Variants in LCORL observed in about 807,000 individuals in gnomAD.
LCORL encodes the protein ligand dependent nuclear receptor corepressor like.
LCORL carries 41 observed loss-of-function variants against 141.8 expected under a neutral mutation model. The observed-to-expected ratio is 0.29, with a 90% CI of 0.23 to 0.38. The LOEUF (loss-of-function observed/expected upper bound fraction) is 0.38. Among genes scored for constraint, LCORL ranks in the 10% least tolerant of loss-of-function variants. The pLI, the probability that LCORL is intolerant of heterozygous loss-of-function variation, is 1.00. For missense variants in LCORL, 1,759 were observed against 2,035.0 expected (o/e 0.86, Z 2.61); for synonymous variants, 618 against 694.1 (o/e 0.89, Z 1.72).
chr4:17,978,963 T>C (rs983979801), intron 1 of LCORL, among the ~76,000 whole-genome samples: 1 of 152,154 alleles, frequency 6.6e-6, no homozygotes. Flanking sequence ...TGTGCACAAC[T>C]TGCAGGTTTG....
chr4:17,936,745 G>T (rs1736927678), intron 4 of LCORL, among the ~76,000 whole-genome samples: 1 of 152,112 alleles, frequency 6.6e-6, no homozygotes, highest in Admixed American at 6.5e-5. Context: ...TCCTTTTCAT[G>T]TATGTGTTTC....
intron 7 of LCORL, among the ~76,000 whole-genome samples, chr4:17,849,017 A>G (rs1723288982): frequency 6.6e-6 from 1 of 152,194 alleles, no homozygotes; most frequent in Non-Finnish European, 1.5e-5. Context: ...TAGGTAAACA[A>G]AGCAGCTGGG....
intron 7 of LCORL, among the ~76,000 whole-genome samples, chr4:17,870,947 T>C (rs1361067884): frequency 2.0e-5 from 3 of 152,176 alleles, no homozygotes; most frequent in Admixed American, 6.5e-5. Flanking sequence ...ATATTTGTGA[T>C]AGAAGCAAAA....
intron 4 of LCORL, among the ~76,000 whole-genome samples, chr4:17,910,923 C>A (rs572855675): frequency 2.0e-5 from 3 of 152,284 alleles, no homozygotes; most frequent in Admixed American, 6.5e-5. Flanking sequence ...TTATCCTTCA[C>A]TTCCATTGTT....
At chr4:17,993,616 T>C (rs1429256911) in intron 1 of LCORL, among the ~76,000 whole-genome samples, 2 of 152,230 alleles carry the variant, frequency 1.3e-5, no homozygotes, top group Non-Finnish European at 1.5e-5. Context: ...GCAACACAGA[T>C]CCTGAGGAGC....
intron 4 of LCORL, among the ~76,000 whole-genome samples, chr4:17,943,318 T>A (rs1738282929): frequency 6.6e-6 from 1 of 152,186 alleles, no homozygotes; most frequent in Admixed American, 6.5e-5. Context: ...TCAGTGAGTA[T>A]CTCATAAATG....
At chr4:17,909,183 A>G (rs532939953) in exon 5 of LCORL, 2 of 1,613,362 alleles carry the variant, frequency 1.2e-6, no homozygotes, top group African/African-American at 2.7e-5. Context: ...TGCTTGATTC[A>G]TTTGGATACT....
intron 5 of LCORL, among the ~76,000 whole-genome samples, chr4:17,901,332 T>C (rs1186374467): frequency 6.6e-6 from 1 of 151,054 alleles, no homozygotes; most frequent in Admixed American, 6.6e-5. Context: ...AAACAGATAA[T>C]TATGTACCTA....
chr4:18,019,198 G>A (rs1289351064), intron 1 of LCORL, among the ~76,000 whole-genome samples: 1 of 152,194 alleles, frequency 6.6e-6, no homozygotes, highest in East Asian at 1.9e-4. Flanking sequence ...AATTATCTGG[G>A]CGTGGTGGCG....
intron 4 of LCORL, among the ~76,000 whole-genome samples, chr4:17,910,601 T>C (rs564749283): frequency 7.9e-5 from 12 of 152,224 alleles, no homozygotes; most frequent in African/African-American, 2.9e-4. Context: ...AGAGAAGTCT[T>C]CCAAACAGCA....
intron 1 of LCORL, among the ~76,000 whole-genome samples, chr4:18,017,177 A>AT (rs1724767190): frequency 1.3e-5 from 2 of 152,146 alleles, no homozygotes; most frequent in African/African-American, 2.4e-5. Context: ...AATAAAATTA[A>AT]AAATCCATGA....
At chr4:17,883,775 T>C (rs879042158) in intron 6 of LCORL, 2 of 1,550,020 alleles carry the variant, frequency 1.3e-6, no homozygotes, top group South Asian at 1.2e-5. Context: ...TGTCATATTA[T>C]ATAACCCAGT....
At chr4:17,947,026 T>C (rs933340685) in intron 4 of LCORL, among the ~76,000 whole-genome samples, 1 of 152,024 alleles carries the variant, frequency 6.6e-6, no homozygotes, top group Non-Finnish European at 1.5e-5. Context: ...CCCAAAAGAT[T>C]TGAAATCAGT....
At chr4:17,858,215 TAA>T (rs1310833483) in intron 7 of LCORL, among the ~76,000 whole-genome samples, 1 of 150,220 alleles carries the variant, frequency 6.7e-6, no homozygotes, top group African/African-American at 2.5e-5. Context: ...ACTTACGAAA[TAA>T]AAAATATCCT....
At chr4:17,994,130 A>G (rs998962769) in intron 1 of LCORL, among the ~76,000 whole-genome samples, 1 of 152,214 alleles carries the variant, frequency 6.6e-6, no homozygotes, top group East Asian at 1.9e-4. Flanking sequence ...ATCAGTATGC[A>G]GGTGGAAGAT....
chr4:17,969,119 A>T, intron 2 of LCORL, among the ~76,000 whole-genome samples: 1 of 152,220 alleles, frequency 6.6e-6, no homozygotes, highest in Non-Finnish European at 1.5e-5. Context: ...AAGGTAGGAA[A>T]TGAGTAGTTT....
chr4:17,905,314 T>G (rs574305728), intron 5 of LCORL, among the ~76,000 whole-genome samples: 1 of 152,186 alleles, frequency 6.6e-6, no homozygotes, highest in East Asian at 1.9e-4. Flanking sequence ...ATAACTTTTT[T>G]TGTATCTATT....
At chr4:17,956,761 T>C (rs996626457) in intron 4 of LCORL, among the ~76,000 whole-genome samples, 1 of 152,024 alleles carries the variant, frequency 6.6e-6, no homozygotes, top group African/African-American at 2.4e-5. Context: ...TAACAATATA[T>C]TGTATTTTTC....
At chr4:17,853,346 T>TA (rs1208417194) in intron 7 of LCORL, among the ~76,000 whole-genome samples, 1 of 152,124 alleles carries the variant, frequency 6.6e-6, no homozygotes, top group African/African-American at 2.4e-5. Flanking sequence ...GCTATAGTTG[T>TA]AACCCCATCC....
Sources: allele counts gnomAD v4.1 joint callset (sites outside exome capture counted in the v4.1 genomes callset), GRCh38; gene constraint gnomAD v4.1.1; transcripts MANE v1.5; gene names NCBI Gene and HGNC (gene_info 2026-07-23, HGNC 2026-07-21).